Variants in TCERG1 observed in about 807,000 individuals in gnomAD.
The protein encoded by TCERG1 is transcription elongation regulator 1.
TCERG1 carries 37 observed loss-of-function variants against 144.7 expected under a neutral mutation model. The observed-to-expected ratio is 0.26, with a 90% CI of 0.20 to 0.34. The LOEUF (loss-of-function observed/expected upper bound fraction) is 0.34, where lower values mean the gene tolerates loss of function less well. Among genes scored for constraint, TCERG1 ranks in the 10% least tolerant of loss-of-function variants. TCERG1 has a pLI of 1.00. For missense variants in TCERG1, 1,027 were observed against 1,380.7 expected (o/e 0.74, Z 4.06); for synonymous variants, 492 against 458.2 (o/e 1.07, Z -0.94).
Position 146,486,053 on chromosome 5 carries a change from A to T in TCERG1, c.2163+2424A>T, listed in dbSNP as rs755420603. Among the ~76,000 whole-genome samples the T allele has an allele frequency of 9.9e-5, 15 of 152,168 alleles. No homozygotes were observed. The East Asian group carries it at 1.2e-3, about 12-fold the overall frequency. On this transcript the variant is annotated intron_variant, in intron 15 of 22. Coordinates refer to ENST00000679501, the MANE Select transcript of TCERG1 (RefSeq NM_001382548.1). The stretch of plus-strand genomic sequence containing the variant: ...CAATCAGAATGTAAGAACTGAGAAG[A>T]AGTAGTAGTTAACATTTGGCATTTA...
chr5:146,473,188 A>G (rs947809142), intron 9 of TCERG1, among the ~76,000 whole-genome samples: 9 of 152,246 alleles, frequency 5.9e-5, no homozygotes, highest in Non-Finnish European at 5.9e-5. Context: ...TAAGAACCTT[A>G]TTCCTGATAA....
Position 146,510,700 on chromosome 5 carries a change from A to G in TCERG1, c.*58A>G. The G allele has an allele frequency of 6.5e-7, 1 of 1,546,486 alleles. No homozygotes were observed. The highest frequency in any genetic ancestry group is 1.2e-5 in the South Asian group (1 of 83,542). ...AAAATGCTTGCATGAGCCAATTTTC[A>G]GGTTTTTACATATATGTGCATTAGT... On this transcript the variant is annotated 3_prime_UTR_variant, in exon 23 of 23. Coordinates refer to ENST00000679501, the MANE Select transcript of TCERG1 (RefSeq NM_001382548.1).
Position 146,510,704 on chromosome 5 carries a change from T to A in TCERG1, c.*62T>A. Reference sequence around the variant, plus strand: ...TGCTTGCATGAGCCAATTTTCAGGTTTTTACATATATGTGCATTAGTCAAC... The same window carrying A: ...TGCTTGCATGAGCCAATTTTCAGGTATTTACATATATGTGCATTAGTCAAC... On this transcript the variant is annotated 3_prime_UTR_variant, in exon 23 of 23. Coordinates refer to ENST00000679501, the MANE Select transcript of TCERG1 (RefSeq NM_001382548.1). The A allele has an allele frequency of 6.5e-7, 1 of 1,538,462 alleles. No individual in the cohort carries two copies. Among genetic ancestry groups the A allele is most frequent in the South Asian group, 1.2e-5 (1 of 83,264 alleles).
At chr5:146,497,888 C>T (rs564580241) in intron 16 of TCERG1, among the ~76,000 whole-genome samples, 1 of 152,182 alleles carries the variant, frequency 6.6e-6, no homozygotes, top group East Asian at 1.9e-4. Flanking sequence ...GTGATCTTTC[C>T]CTGCTGTTAC....
intron 2 of TCERG1, 87 bp from the exon 3 acceptor site, chr5:146,457,096 T>TA (rs1233584685): frequency 3.3e-6 from 5 of 1,517,834 alleles, no homozygotes; most frequent in Non-Finnish European, 4.5e-6. Context: ...TAGTTTCTCT[T>TA]ACAGTGTTTT....
At position 146,464,226 on chromosome 5, in the gene TCERG1, G is replaced by A. The variant is rs116564373; in HGVS notation, c.1135+433G>A. Among the ~76,000 whole-genome samples the A allele has an allele frequency of 1.4e-3, 211 of 152,198 alleles. 1 individual carries two copies. The highest frequency in any genetic ancestry group is 5.2e-3 in the Admixed American group (80 of 15,290). On this transcript the variant is annotated intron_variant, in intron 5 of 22. Transcript: ENST00000679501. ...CTTTAATTTTTACAACCCATGTTAC[G>A]AGATAGGTACACAGACAGGTTAAAT...
Position 146,455,254 on chromosome 5 carries a change from T to G in TCERG1, c.258T>G (p.Pro86=). 1 of 1,614,224 alleles carries G rather than the reference T, an allele frequency of 6.2e-7. No homozygotes were observed. The change falls in exon 2 of 23, where the codon CCT becomes CCG. Residue 86 remains proline, a synonymous_variant. Coordinates refer to ENST00000679501, the MANE Select transcript of TCERG1 (RefSeq NM_001382548.1). Reference sequence around the variant, plus strand: ...CAATGCCTCCTCCAGGAGGGATACCTCCACCTATGGGCCCTCCACACCTCC... The same window carrying G: ...CAATGCCTCCTCCAGGAGGGATACCGCCACCTATGGGCCCTCCACACCTCC... The part of the protein sequence containing the change: ...MPPMPPPGGI[P]PPMGPPHLQR...
intron 15 of TCERG1, among the ~76,000 whole-genome samples, chr5:146,489,127 C>G (rs6862473): frequency 0.25 from 37,227 of 151,942 alleles, 5,675 homozygotes; most frequent in East Asian, 0.83. Context: ...TAAGTCCTGG[C>G]GTTGTGTAGC....
intron 1 of TCERG1, among the ~76,000 whole-genome samples, chr5:146,449,097 A>T (rs970133782): frequency 6.6e-6 from 1 of 152,156 alleles, no homozygotes; most frequent in African/African-American, 2.4e-5. Flanking sequence ...AGCATTTCTC[A>T]TGAAATTAGG....
At chr5:146,497,583 G>A (rs1767048903) in intron 16 of TCERG1, among the ~76,000 whole-genome samples, 1 of 152,114 alleles carries the variant, frequency 6.6e-6, no homozygotes, top group South Asian at 2.1e-4. Flanking sequence ...TTGAATATTG[G>A]ACTTTGTGGC....
At chr5:146,499,535 A>G (rs1192360830) in intron 17 of TCERG1, 1 of 152,224 alleles carries the variant, frequency 6.6e-6, no homozygotes, top group Non-Finnish European at 1.5e-5. Context: ...TGAGTTTTCC[A>G]GAATTGTTTC....
chr5:146,505,419 A>C (rs1269629564), intron 19 of TCERG1: 1 of 152,234 alleles, frequency 6.6e-6, no homozygotes. Context: ...CCTCCTTAGC[A>C]TAATATAAAA....
intron 1 of TCERG1, among the ~76,000 whole-genome samples, chr5:146,451,610 A>G (rs1762350557): frequency 6.6e-6 from 1 of 151,594 alleles, no homozygotes. Flanking sequence ...GGCGTGAGCC[A>G]CCGGGGGGCG....
intron 1 of TCERG1, among the ~76,000 whole-genome samples, chr5:146,447,624 C>T (rs1761979533): frequency 6.6e-6 from 1 of 152,216 alleles, no homozygotes; most frequent in Non-Finnish European, 1.5e-5. Context: ...TCCCTGGCTG[C>T]TTCCTAGTGC....
chr5:146,501,723 A>G (rs765444691), intron 17 of TCERG1, among the ~76,000 whole-genome samples: 32 of 152,160 alleles, frequency 2.1e-4, no homozygotes, highest in Non-Finnish European at 3.2e-4. Context: ...AGTGTCTGGA[A>G]ATACTGGGTT....
At chr5:146,483,661 A>G (rs777153317) in intron 15 of TCERG1, 32 bp downstream of exon 15, 17 of 1,502,396 alleles carry the variant, frequency 1.1e-5, no homozygotes, top group Non-Finnish European at 1.0e-5. Flanking sequence ...CTAAGAATGT[A>G]TATCTCTTGC....
chr5:146,475,373 T>C (rs1764736255), intron 9 of TCERG1, among the ~76,000 whole-genome samples: 1 of 122,362 alleles, frequency 8.2e-6, no homozygotes, highest in South Asian at 2.5e-4. Flanking sequence ...CTAGGAGTAA[T>C]TTTGCCCCTA....
chr5:146,482,708 A>T lies in TCERG1; in HGVS notation c.2054A>T (p.Asp685Val). ...GAGGCTCGAATGAAGCAGTTCAAGGACATGCTGCTAGAGAGAGGGGTCAGA... is the reference window on the plus strand; with the variant it reads ...GAGGCTCGAATGAAGCAGTTCAAGGTCATGCTGCTAGAGAGAGGGGTCAGA... ...PLEARMKQFKDMLLERGVSAF... is the reference protein window; with the variant it reads ...PLEARMKQFKVMLLERGVSAF... Residue 685 changes from aspartate (D) to valine (V), a missense_variant, in exon 14 of 23, where the codon GAC becomes GTC. Coordinates refer to ENST00000679501, the MANE Select transcript of TCERG1 (RefSeq NM_001382548.1). The T allele has an allele frequency of 6.2e-7, 1 of 1,612,388 alleles. No individual in the cohort carries two copies. Among genetic ancestry groups the T allele is most frequent in the Non-Finnish European group, 8.5e-7 (1 of 1,178,928 alleles).
Position 146,482,479 on chromosome 5 carries a change from A to G in TCERG1, c.1938-113A>G, listed in dbSNP as rs1765445263. ...ACCCTCAATATAATTTGTTTTTGCC[A>G]AAAATATGCTGCTCAGTAGTGAGTC... On this transcript the variant is annotated intron_variant, in intron 13 of 22. Transcript: ENST00000679501. The G allele has an allele frequency of 3.7e-6, 4 of 1,090,642 alleles. No homozygotes were observed. In the East Asian group the frequency reaches 1.1e-4, roughly 31 times the overall value. The allele number at this position is 1,090,642 out of a possible 1,614,324, so 67.6% of individuals were successfully genotyped here.
Sources: allele counts gnomAD v4.1 joint callset (sites outside exome capture counted in the v4.1 genomes callset), GRCh38; gene constraint gnomAD v4.1.1; transcripts MANE v1.5; gene names NCBI Gene and HGNC (gene_info 2026-07-23, HGNC 2026-07-21).